The following SEC14L1 variants were observed in gnomAD, a reference collection of about 807,000 sequenced individuals.
SEC14L1 encodes the protein SEC14 like lipid binding 1.
In SEC14L1, 48 loss-of-function variants were observed where a neutral mutation model predicts 85.3. The ratio of observed to expected loss-of-function variants is 0.56; its 90% CI spans 0.45 to 0.72. The LOEUF is 0.72. Ranked by LOEUF, SEC14L1 falls within the 30% of genes least tolerant of loss-of-function variation. SEC14L1 has a pLI of 0.00. For missense variants in SEC14L1, 682 were observed against 921.4 expected (o/e 0.74, Z 3.36); for synonymous variants, 391 against 355.5 (o/e 1.10, Z -1.12).
At chr17:77,095,683 G>A (rs1971624679) in intron 3 of SEC14L1, among the ~76,000 whole-genome samples, 1 of 152,072 alleles carries the variant, frequency 6.6e-6, no homozygotes, top group African/African-American at 2.4e-5. Flanking sequence ...CAGGTGTCGT[G>A]GCAGGCACCT....
intron 8 of SEC14L1, among the ~76,000 whole-genome samples, chr17:77,196,922 T>A (rs960134185): frequency 6.6e-6 from 1 of 152,232 alleles, no homozygotes; most frequent in African/African-American, 2.4e-5. Context: ...TCTTACCATG[T>A]ATTAGACACT....
At chr17:77,128,791 C>T (rs771505925) in intron 3 of SEC14L1, among the ~76,000 whole-genome samples, 2 of 152,054 alleles carry the variant, frequency 1.3e-5, no homozygotes, top group African/African-American at 4.8e-5. Context: ...GCTTTCTGAA[C>T]GTGAAGGGGT....
At chr17:77,139,780 G>A (rs1254848221), upstream of SEC14L1, among the ~76,000 whole-genome samples, 1 of 151,996 alleles carries the variant, frequency 6.6e-6, no homozygotes, top group Non-Finnish European at 1.5e-5. Flanking sequence ...TTACAGGCGT[G>A]AGCCACCGCG....
chr17:77,131,909 C>T (rs1319045393), intron 3 of SEC14L1, among the ~76,000 whole-genome samples: 1 of 152,142 alleles, frequency 6.6e-6, no homozygotes, highest in African/African-American at 2.4e-5. Flanking sequence ...GTTTGCCTCT[C>T]CAGATTGAAA....
chr17:77,151,737 T>A (rs924359596), intron 3 of SEC14L1, among the ~76,000 whole-genome samples: 2 of 152,196 alleles, frequency 1.3e-5, no homozygotes, highest in African/African-American at 4.8e-5. Flanking sequence ...ACACAGTGGC[T>A]TATGCCCGTA....
intron 3 of SEC14L1, chr17:77,128,222 T>G (rs554311171): frequency 6.6e-6 from 1 of 152,210 alleles, no homozygotes; most frequent in South Asian, 2.1e-4. Context: ...TCAGCGTGGT[T>G]GTTCCTTCCT....
intron 3 of SEC14L1, among the ~76,000 whole-genome samples, chr17:77,186,122 ACT>A (rs1402460199): frequency 6.6e-6 from 1 of 151,988 alleles, no homozygotes; most frequent in Non-Finnish European, 1.5e-5. Flanking sequence ...TGAAAATGTG[ACT>A]CTGGCCACCT....
chr17:77,125,457 T>A, intron 3 of SEC14L1, among the ~76,000 whole-genome samples: 1 of 151,958 alleles, frequency 6.6e-6, no homozygotes. Flanking sequence ...TTTCCCCTAT[T>A]ATGTCATGCA....
intron 3 of SEC14L1, among the ~76,000 whole-genome samples, chr17:77,111,160 TG>T (rs1385138110): frequency 1.4e-5 from 2 of 143,376 alleles, no homozygotes; most frequent in African/African-American, 5.2e-5. Flanking sequence ...GCCATTGCAC[TG>T]GGTGACAGAG....
At chr17:77,125,234 T>C (rs1480988489) in intron 3 of SEC14L1, among the ~76,000 whole-genome samples, 1 of 151,970 alleles carries the variant, frequency 6.6e-6, no homozygotes, top group East Asian at 1.9e-4. Flanking sequence ...TGACCTCAAA[T>C]GATCTGCCCG....
intron 3 of SEC14L1, among the ~76,000 whole-genome samples, chr17:77,189,954 G>A (rs1975448315): frequency 6.6e-6 from 1 of 152,114 alleles, no homozygotes; most frequent in Non-Finnish European, 1.5e-5. Flanking sequence ...CTGAGCAAAT[G>A]TTTTTAACTT....
chr17:77,196,380 A>G, intron 8 of SEC14L1, 69 bp downstream of exon 8: 3 of 933,834 alleles, frequency 3.2e-6, no homozygotes, highest in South Asian at 1.5e-5. Context: ...TCTTTCTGTC[A>G]TAGTCACCAA....
At chr17:77,171,133 T>C (rs753674174) in intron 3 of SEC14L1, among the ~76,000 whole-genome samples, 10 of 152,180 alleles carry the variant, frequency 6.6e-5, no homozygotes, top group Non-Finnish European at 1.2e-4. Context: ...TTGCATATTA[T>C]ACAACTATCC....
At chr17:77,101,930 T>C (rs1341273645) in intron 3 of SEC14L1, among the ~76,000 whole-genome samples, 1 of 152,226 alleles carries the variant, frequency 6.6e-6, no homozygotes, top group African/African-American at 2.4e-5. Context: ...AGGGTCTCTA[T>C]GTCATGCAAG....
chr17:77,160,283 A>G (rs574284882), intron 3 of SEC14L1, among the ~76,000 whole-genome samples: 2 of 152,334 alleles, frequency 1.3e-5, no homozygotes, highest in South Asian at 4.1e-4. Context: ...AAGTCCACAA[A>G]TTTCTCTTTT....
chr17:77,149,796 C>A (rs899761619), intron 3 of SEC14L1, among the ~76,000 whole-genome samples: 2 of 150,950 alleles, frequency 1.3e-5, no homozygotes, highest in African/African-American at 4.9e-5. Flanking sequence ...TATGGTCTTT[C>A]AGTTAACCAG....
At chr17:77,212,491 TC>T (rs1205828069) in intron 15 of SEC14L1, among the ~76,000 whole-genome samples, 5 of 151,718 alleles carry the variant, frequency 3.3e-5, no homozygotes, top group African/African-American at 4.8e-5. Flanking sequence ...ATAGGATTTT[TC>T]CCCCCCGCCT....
At chr17:77,179,297 C>T (rs746295080) in intron 3 of SEC14L1, among the ~76,000 whole-genome samples, 2 of 152,124 alleles carry the variant, frequency 1.3e-5, no homozygotes, top group African/African-American at 4.8e-5. Context: ...GTAAAAAGAA[C>T]CTATTCCTGG....
chr17:77,216,603 T>A lies in SEC14L1; in HGVS notation c.*2580T>A. The stretch of plus-strand genomic sequence containing the variant: ...AATGCTTCACTCAACAGTCCTCATG[T>A]GCCCAGAGATGTTTATAGAACTGTT... On this transcript the variant is annotated 3_prime_UTR_variant, in exon 17 of 17. Coordinates refer to ENST00000436233, the MANE Select transcript of SEC14L1 (RefSeq NM_001143998.2). The A allele has an allele frequency of 1.2e-6, 2 of 1,613,324 alleles. No homozygotes were observed. The highest frequency in any genetic ancestry group is 1.7e-6 in the Non-Finnish European group (2 of 1,179,426).
Sources: allele counts gnomAD v4.1 joint callset (sites outside exome capture counted in the v4.1 genomes callset), GRCh38; gene constraint gnomAD v4.1.1; transcripts MANE v1.5; gene names NCBI Gene and HGNC (gene_info 2026-07-23, HGNC 2026-07-21).